Variants in TENM2 observed in about 807,000 individuals in gnomAD.
TENM2 encodes teneurin transmembrane protein 2, also known as teneurin-2.
In TENM2, 52 loss-of-function variants were observed where a neutral mutation model predicts 245.2. That is an observed-to-expected ratio of 0.21 (90% CI 0.17 to 0.27). The LOEUF (loss-of-function observed/expected upper bound fraction) is 0.27. Ranked by LOEUF, TENM2 falls within the 10% of genes least tolerant of loss-of-function variation. TENM2 has a pLI of 1.00. For synonymous variants in TENM2, 1,363 were observed against 1,438.9 expected (o/e 0.95, Z 1.19); for missense variants, 3,046 against 3,666.8 (o/e 0.83, Z 4.37).
intron 2 of TENM2, among the ~76,000 whole-genome samples, chr5:167,500,290 A>G (rs1338712530): frequency 6.6e-6 from 1 of 152,002 alleles, no homozygotes; most frequent in Non-Finnish European, 1.5e-5. Flanking sequence ...TCTGTCTGAT[A>G]ATTCCTGCAG....
intron 2 of TENM2, among the ~76,000 whole-genome samples, chr5:167,803,002 G>A (rs1203296919): frequency 1.3e-5 from 2 of 152,132 alleles, no homozygotes; most frequent in East Asian, 1.9e-4. Context: ...GCTGACTTCA[G>A]GTAGATACCA....
intron 1 of TENM2, among the ~76,000 whole-genome samples, chr5:167,351,550 A>G (rs1032535807): frequency 2.0e-4 from 30 of 152,218 alleles, no homozygotes; most frequent in African/African-American, 7.2e-4. Flanking sequence ...AAAGGGAAGC[A>G]CTAATTCCGG....
At chr5:167,126,893 T>C in the TENM2 span, among the ~76,000 whole-genome samples, 1 of 152,166 alleles carries the variant, frequency 6.6e-6, no homozygotes, top group Admixed American at 6.6e-5. Flanking sequence ...CTTTAGACTG[T>C]GGTATTAATA....
At chr5:167,066,335 A>G in the TENM2 span, among the ~76,000 whole-genome samples, 16 of 152,282 alleles carry the variant, frequency 1.1e-4, no homozygotes, top group African/African-American at 3.6e-4. Flanking sequence ...AAGCATTCTT[A>G]TTCCATGGGT....
chr5:167,277,889 G>A, the TENM2 span, among the ~76,000 whole-genome samples: 1 of 152,068 alleles, frequency 6.6e-6, no homozygotes, highest in Non-Finnish European at 1.5e-5. Context: ...TTCTTTGCCT[G>A]TAAGGTTCAC....
At chr5:167,857,234 TC>T (rs1771174467) in intron 2 of TENM2, among the ~76,000 whole-genome samples, 2 of 152,314 alleles carry the variant, frequency 1.3e-5, no homozygotes, top group South Asian at 4.1e-4. Flanking sequence ...TGAATGTGGC[TC>T]TTTTTCGTAG....
At chr5:168,253,931 G>A (rs993288190) in intron 27 of TENM2, among the ~76,000 whole-genome samples, 2 of 152,200 alleles carry the variant, frequency 1.3e-5, no homozygotes, top group African/African-American at 4.8e-5. Context: ...TCCTAGACGT[G>A]GCCCATGATG....
chr5:168,127,083 C>A, intron 12 of TENM2, 117 bp downstream of exon 14: 1 of 882,146 alleles, frequency 1.1e-6, no homozygotes, highest in Non-Finnish European at 1.8e-6. Context: ...CCCTCCAAAT[C>A]TCCCAGGGGA....
Position 167,389,689 on chromosome 5 carries a change from A to T in TENM2, c.502+14216A>T, listed in dbSNP as rs144990952. 2.0e-5 allele frequency among the ~76,000 whole-genome samples: 3 copies of T among 152,310 alleles called. No individual in the cohort carries two copies. The East Asian group carries it at 5.8e-4, about 29-fold the overall frequency. On this transcript the variant is annotated intron_variant, in intron 2 of 28. Coordinates refer to ENST00000518659, the Ensembl canonical transcript of TENM2. ...GATGAATTCCTAGAAGACTTAGAACATACACAGTTATGTGAAATTGCAATC... is the reference window on the plus strand; with the variant it reads ...GATGAATTCCTAGAAGACTTAGAACTTACACAGTTATGTGAAATTGCAATC...
chr5:167,323,437 T>C (rs1756886699), intron 1 of TENM2, among the ~76,000 whole-genome samples: 1 of 152,234 alleles, frequency 6.6e-6, no homozygotes, highest in African/African-American at 2.4e-5. Flanking sequence ...GTGTGTTATA[T>C]GTGTATATAT....
At chr5:167,307,984 G>C (rs1755782226) in intron 1 of TENM2, 1 of 152,390 alleles carries the variant, frequency 6.6e-6, no homozygotes, top group East Asian at 1.9e-4. Flanking sequence ...GCAGCTTTCA[G>C]CTCCTTACTG....
chr5:167,837,035 A>G (rs1769061992), intron 2 of TENM2, among the ~76,000 whole-genome samples: 2 of 151,302 alleles, frequency 1.3e-5, no homozygotes, highest in South Asian at 4.2e-4. Context: ...AATTTCCTAT[A>G]ATTCCATTTA....
intron 2 of TENM2, among the ~76,000 whole-genome samples, chr5:167,485,581 G>A (rs1434909106): frequency 6.6e-6 from 1 of 152,074 alleles, no homozygotes; most frequent in Non-Finnish European, 1.5e-5. Context: ...GGCAGGAGGG[G>A]GGCAGGGAAA....
chr5:167,705,989 A>ATATATATT (rs1554103340), intron 2 of TENM2, among the ~76,000 whole-genome samples: 1 of 63,976 alleles, frequency 1.6e-5, no homozygotes, highest in African/African-American at 1.0e-4. Flanking sequence ...ATATATATAT[A>ATATATATT]TATTTATTTA....
At chr5:167,483,942 A>G (rs1205626053) in intron 2 of TENM2, among the ~76,000 whole-genome samples, 3 of 152,208 alleles carry the variant, frequency 2.0e-5, no homozygotes, top group Non-Finnish European at 4.4e-5. Flanking sequence ...ACAGAAGTTA[A>G]TTTCGATGCT....
chr5:167,203,079 A>C, the TENM2 span, among the ~76,000 whole-genome samples: 12 of 152,328 alleles, frequency 7.9e-5, no homozygotes, highest in Middle Eastern at 0.01. Flanking sequence ...TCCAATGCAG[A>C]ACACATATTC....
Position 168,094,755 on chromosome 5 carries a change from A to G in TENM2, c.1712-3271A>G, listed in dbSNP as rs548218246. 9.2e-5 allele frequency among the ~76,000 whole-genome samples: 14 copies of G among 152,010 alleles called. No individual in the cohort carries two copies. In the South Asian group the frequency reaches 1.0e-3, roughly 11 times the overall value. On this transcript the variant is annotated intron_variant, in intron 8 of 28. Coordinates refer to ENST00000518659, the Ensembl canonical transcript of TENM2. The stretch of plus-strand genomic sequence containing the variant: ...CAGATCCCTCCATGTGCAGATCACA[A>G]TGAGGTCTGTGGCCCATTAGGAACT...
chr5:167,375,825 C>T (rs1760713713), intron 2 of TENM2, among the ~76,000 whole-genome samples: 1 of 152,160 alleles, frequency 6.6e-6, no homozygotes, highest in South Asian at 2.1e-4. Flanking sequence ...TTGATTTCCC[C>T]TTCCCAGTAA....
At chr5:167,839,905 C>T (rs1397411969) in intron 2 of TENM2, among the ~76,000 whole-genome samples, 3 of 152,170 alleles carry the variant, frequency 2.0e-5, no homozygotes, top group Admixed American at 2.0e-4. Flanking sequence ...GCAACCTCCG[C>T]CTCCCGGGTT....
Sources: gnomAD v4.1 joint callset for allele counts (sites outside exome capture counted in the v4.1 genomes callset) on GRCh38, gnomAD v4.1.1 for gene constraint, MANE v1.5 for transcripts, NCBI Gene and HGNC (gene_info 2026-07-23, HGNC 2026-07-21) for gene names.